NEDD4: variants seen among roughly 807,000 people sequenced by gnomAD.
NEDD4 encodes the protein NEDD4 E3 ubiquitin protein ligase, also known as E3 ubiquitin-protein ligase NEDD4.
NEDD4 carries 99 observed loss-of-function variants against 144.9 expected under a neutral mutation model. The ratio of observed to expected loss-of-function variants is 0.68; its 90% CI spans 0.58 to 0.81. The LOEUF (loss-of-function observed/expected upper bound fraction) is 0.81, where lower values mean the gene tolerates loss of function less well. Among genes scored for constraint, NEDD4 ranks in the 30% least tolerant of loss-of-function variants. The pLI is 0.00. For synonymous variants in NEDD4, 318 were observed against 350.6 expected, an observed-to-expected ratio of 0.91 and a Z score of 1.04; for missense variants, 985 against 1,065.9, an observed-to-expected ratio of 0.92 and a Z score of 1.06.
rs190074177 is a variant in NEDD4, at chr15:55,890,408, A to G, written c.292-16400T>C. Among the ~76,000 whole-genome samples, 13 of 151,938 alleles carry G rather than the reference A, an allele frequency of 8.6e-5. No individual in the cohort carries two copies. In the East Asian group the frequency reaches 2.5e-3, roughly 29 times the overall value. ...CAACCACCAACCACTTTCTGTCTTT[A>G]TGGATTTGCCTATTCTGGATATTTC... On this transcript the variant is annotated intron_variant, in intron 5 of 28. Transcript: ENST00000435532.
At chr15:55,948,160 GACAA>G (rs1158363286) in intron 4 of NEDD4, among the ~76,000 whole-genome samples, 47 of 152,248 alleles carry the variant, frequency 3.1e-4, no homozygotes, top group South Asian at 4.1e-4. Context: ...ATCAATTACA[GACAA>G]ACAGAGAGCC....
intron 4 of NEDD4, among the ~76,000 whole-genome samples, chr15:55,940,025 C>T (rs752867699): frequency 2.4e-4 from 36 of 152,114 alleles, no homozygotes; most frequent in Non-Finnish European, 4.0e-4. Context: ...GAATATTATT[C>T]AGCCTTCAAA....
chr15:55,837,125 A>G (rs2033244167), intron 24 of NEDD4, among the ~76,000 whole-genome samples: 1 of 152,162 alleles, frequency 6.6e-6, no homozygotes, highest in African/African-American at 2.4e-5. Context: ...TCCCTAATAA[A>G]TATCTGATAA....
chr15:55,968,215 G>C (rs1161511707), intron 1 of NEDD4, among the ~76,000 whole-genome samples: 1 of 151,838 alleles, frequency 6.6e-6, no homozygotes, highest in African/African-American at 2.4e-5. Flanking sequence ...GAGTAAAGAA[G>C]TAAACAATAA....
intron 4 of NEDD4, among the ~76,000 whole-genome samples, chr15:55,939,680 GA>G (rs1406117786): frequency 6.6e-6 from 1 of 152,146 alleles, no homozygotes. Flanking sequence ...AAAATTTTTA[GA>G]TTTTTTTAGT....
At chr15:55,855,991 T>C (rs1234318881) in intron 12 of NEDD4, 140 bp downstream of exon 12, 6 of 678,510 alleles carry the variant, frequency 8.8e-6, no homozygotes, top group Non-Finnish European at 1.3e-5. Flanking sequence ...GCCCCTTCCC[T>C]GAACATCACC....
intron 5 of NEDD4, among the ~76,000 whole-genome samples, chr15:55,908,828 C>T (rs1163308665): frequency 6.6e-6 from 1 of 150,748 alleles, no homozygotes; most frequent in African/African-American, 2.5e-5. Flanking sequence ...TTGCTTTAGC[C>T]CAGGAGTTCA....
intron 9 of NEDD4, among the ~76,000 whole-genome samples, chr15:55,861,918 C>T (rs1358888286): frequency 3.3e-5 from 5 of 152,098 alleles, no homozygotes; most frequent in Admixed American, 1.3e-4. Context: ...GGGAATGCTT[C>T]AGTTTTTTTC....
chr15:55,966,319 A>C (rs2037511930), intron 2 of NEDD4, among the ~76,000 whole-genome samples, 154 bp downstream of exon 2: 1 of 152,256 alleles, frequency 6.6e-6, no homozygotes, highest in African/African-American at 2.4e-5. Context: ...TTCAGATACC[A>C]AGAGATTTAG....
intron 4 of NEDD4, among the ~76,000 whole-genome samples, chr15:55,948,750 T>C (rs1595868626): frequency 6.6e-6 from 1 of 152,252 alleles, no homozygotes; most frequent in African/African-American, 2.4e-5. Flanking sequence ...TGGCGAGCCA[T>C]ATGTAGAAAG....
At chr15:55,872,025 T>C (rs2034817270) in intron 7 of NEDD4, among the ~76,000 whole-genome samples, 1 of 152,142 alleles carries the variant, frequency 6.6e-6, no homozygotes, top group East Asian at 1.9e-4. Flanking sequence ...AAATACTAAG[T>C]ATGCAAAATA....
chr15:55,971,100 T>C, intron 1 of NEDD4, among the ~76,000 whole-genome samples: 1 of 152,174 alleles, frequency 6.6e-6, no homozygotes, highest in East Asian at 1.9e-4. Context: ...AAAAACCTCT[T>C]TGATTCTTAT....
At chr15:55,993,277 G>C (rs1276851602) in intron 1 of NEDD4, among the ~76,000 whole-genome samples, 1 of 152,146 alleles carries the variant, frequency 6.6e-6, no homozygotes, top group African/African-American at 2.4e-5. Flanking sequence ...CGGCCGCTCC[G>C]GGAAGGGGCG....
chr15:55,989,929 C>G (rs1452063579), intron 1 of NEDD4, among the ~76,000 whole-genome samples: 2 of 152,128 alleles, frequency 1.3e-5, no homozygotes, highest in Non-Finnish European at 2.9e-5. Flanking sequence ...ACCTCCGGAG[C>G]TCTGCTGCCT....
chr15:55,852,323 G>T, intron 13 of NEDD4, 101 bp downstream of exon 13: 1 of 1,274,236 alleles, frequency 7.8e-7, no homozygotes, highest in Non-Finnish European at 1.1e-6. Flanking sequence ...AAAGAAGGTG[G>T]TAGAAGTATC....
Position 55,842,157 on chromosome 15 carries a change from T to A in NEDD4, c.1615A>T (p.Ile539Phe), listed in dbSNP as rs1365682703. The A allele has an allele frequency of 6.2e-7, 1 of 1,614,052 alleles. No individual in the cohort carries two copies. The highest frequency in any genetic ancestry group is 2.2e-5 in the East Asian group (1 of 44,882). The change falls in exon 19 of 29, where the codon ATT becomes TTT. Residue 539 changes from isoleucine to phenylalanine, a missense_variant. Transcript: ENST00000435532. ...AGTTTCATTTCAAATTTGTTTGGAA[T>A]GTCATTCTGAAAATCCAGAGGAGAG... ...FRRKLKKQND[I>F]PNKFEMKLRR...
At chr15:55,851,628 C>T (rs2033985676) in intron 13 of NEDD4, among the ~76,000 whole-genome samples, 1 of 152,124 alleles carries the variant, frequency 6.6e-6, no homozygotes, top group East Asian at 2.0e-4. Context: ...AGGCATGCGC[C>T]ACCACGCCTG....
intron 24 of NEDD4, among the ~76,000 whole-genome samples, chr15:55,835,194 A>G (rs1037873612): frequency 3.3e-5 from 5 of 152,034 alleles, no homozygotes; most frequent in African/African-American, 1.2e-4. Flanking sequence ...CCCTCAACCC[A>G]CTGCAATCGG....
At chr15:55,900,223 C>T (rs1471934675) in intron 5 of NEDD4, among the ~76,000 whole-genome samples, 3 of 152,102 alleles carry the variant, frequency 2.0e-5, no homozygotes, top group Non-Finnish European at 4.4e-5. Flanking sequence ...ACAACAGGTG[C>T]GCTGCATATG....
Sources: allele counts gnomAD v4.1 joint callset (sites outside exome capture counted in the v4.1 genomes callset), GRCh38; gene constraint gnomAD v4.1.1; transcripts MANE v1.5; gene names NCBI Gene and HGNC (gene_info 2026-07-23, HGNC 2026-07-21).